CDC40: variants seen among roughly 807,000 people sequenced by gnomAD.
CDC40 encodes pre-mRNA-processing factor 17.
A neutral mutation model predicts 80.6 loss-of-function variants in CDC40; 27 were observed. The observed-to-expected ratio is 0.33, with a 90% CI of 0.25 to 0.46. The LOEUF (loss-of-function observed/expected upper bound fraction) is 0.46, where lower values mean the gene tolerates loss of function less well. Ranked by LOEUF, CDC40 falls within the 20% of genes least tolerant of loss-of-function variation. The pLI is 1.00. For missense variants in CDC40, 486 were observed against 694.1 expected, an observed-to-expected ratio of 0.70 and a Z score of 3.37; for synonymous variants, 221 against 232.6, an observed-to-expected ratio of 0.95 and a Z score of 0.45.
chr6:110,217,280 G>C (rs892336562), intron 9 of CDC40, among the ~76,000 whole-genome samples: 1 of 152,134 alleles, frequency 6.6e-6, no homozygotes, highest in Non-Finnish European at 1.5e-5. Flanking sequence ...TTGCAGCCTG[G>C]TGGACATTCT....
chr6:110,224,067 G>T (rs1376513042), intron 12 of CDC40, among the ~76,000 whole-genome samples: 1 of 151,986 alleles, frequency 6.6e-6, no homozygotes, highest in Non-Finnish European at 1.5e-5. Flanking sequence ...TCTTGACCTT[G>T]TGATCTACCC....
chr6:110,229,563 T>C (rs921762088), intron 14 of CDC40, among the ~76,000 whole-genome samples: 1 of 152,188 alleles, frequency 6.6e-6, no homozygotes, highest in Non-Finnish European at 1.5e-5. Flanking sequence ...TCAAAAGATA[T>C]TAAAGCCAAA....
intron 2 of CDC40, chr6:110,198,945 C>G (rs978846351): frequency 6.6e-6 from 1 of 152,100 alleles, no homozygotes; most frequent in Non-Finnish European, 1.5e-5. Flanking sequence ...GGACCAAGAA[C>G]AGCTGAGAAA....
Position 110,212,270 on chromosome 6 carries a change from A to G in CDC40, c.865A>G (p.Lys289Glu). The change falls in exon 7 of 15, where the codon AAG becomes GAG. Residue 289 changes from lysine to glutamate, a missense_variant and splice_region_variant. Around this residue, in one of 3 missense-constraint regions of CDC40, gnomAD observed 381 missense variants for 492.1 expected, o/e 0.77. Coordinates refer to ENST00000307731, the MANE Select transcript of CDC40 (RefSeq NM_015891.3). ...AATTCATGTGTGGTCTGGACACACA[A>G]AGGTAAGCAAGTTGGTTGTTTCTGT... Reference protein sequence around the residue: ...KQIHVWSGHTKGVSAVRLFPL... With the variant: ...KQIHVWSGHTEGVSAVRLFPL... 6.2e-7 allele frequency: 1 copy of G among 1,613,458 alleles called. No individual in the cohort carries two copies. The highest frequency in any genetic ancestry group is 8.5e-7 in the Non-Finnish European group (1 of 1,179,788).
chr6:110,189,391 A>G (rs546934742), intron 1 of CDC40, among the ~76,000 whole-genome samples: 1 of 152,358 alleles, frequency 6.6e-6, no homozygotes, highest in African/African-American at 2.4e-5. Context: ...TGCCTGGCAC[A>G]TAGTAGGCAC....
intron 2 of CDC40, among the ~76,000 whole-genome samples, chr6:110,194,322 A>C (rs1416788629): frequency 1.3e-5 from 2 of 152,222 alleles, no homozygotes; most frequent in Non-Finnish European, 2.9e-5. Context: ...GCTATATCTT[A>C]TGGTATCTTG....
In CDC40 at chr6:110,212,200, A is replaced by G. The variant is rs1243557960; in HGVS notation, c.795A>G (p.Leu265=). ...TACCTCAGGATGTTGGTGTTAATCT[A>G]CGGTCAACTATGCCACCTGAGAAGT... The part of the protein sequence containing the change: ...LHIPQDVGVN[L]RSTMPPEKCY... Residue 265 remains leucine (L), a synonymous_variant, in exon 7 of 15, where the codon CTA becomes CTG. Coordinates refer to ENST00000307731, the MANE Select transcript of CDC40 (RefSeq NM_015891.3). 5.0e-6 allele frequency: 8 copies of G among 1,613,640 alleles called. No individual in the cohort carries two copies. The highest frequency in any genetic ancestry group is 1.1e-5 in the South Asian group (1 of 91,060).
At chr6:110,208,733 A>G (rs1324887777) in intron 4 of CDC40, among the ~76,000 whole-genome samples, 1 of 152,176 alleles carries the variant, frequency 6.6e-6, no homozygotes, top group Non-Finnish European at 1.5e-5. Context: ...TTTTTTCCAG[A>G]AAGTCGTACA....
At chr6:110,193,852 A>G (rs1777384281) in intron 2 of CDC40, among the ~76,000 whole-genome samples, 1 of 152,238 alleles carries the variant, frequency 6.6e-6, no homozygotes, top group South Asian at 2.1e-4. Context: ...TGATTCTTAA[A>G]TATGAACTTA....
chr6:110,183,598 T>C (rs1381389961), intron 1 of CDC40, among the ~76,000 whole-genome samples: 1 of 152,208 alleles, frequency 6.6e-6, no homozygotes, highest in Non-Finnish European at 1.5e-5. Flanking sequence ...CACTTGTTTA[T>C]ATGAAGGGAA....
intron 4 of CDC40, among the ~76,000 whole-genome samples, chr6:110,208,534 C>A (rs1197131586): frequency 1.3e-5 from 2 of 152,154 alleles, no homozygotes; most frequent in Non-Finnish European, 2.9e-5. Flanking sequence ...AGACTGAAAT[C>A]ACTTGGAAGG....
chr6:110,217,718 T>C lies in CDC40; in HGVS notation c.1005T>C (p.Val335=), dbSNP rs149903713. Reference sequence around the variant, plus strand: ...CACCTTTAGGTCACAGTAAGGCTGTTAGGGATATCTGCTTCAATACTGCAG... The same window carrying C: ...CACCTTTAGGTCACAGTAAGGCTGTCAGGGATATCTGCTTCAATACTGCAG... ...LRTFIGHSKA[V]RDICFNTAGT... is the part of the protein sequence containing the mutation. Residue 335 remains valine, a synonymous_variant, in exon 10 of 15, where the codon GTT becomes GTC. Transcript: ENST00000307731. The C allele has an allele frequency of 4.9e-5, 78 of 1,585,524 alleles. No homozygotes were observed. In the African/African-American group the frequency reaches 8.6e-4, roughly 17 times the overall value.
At chr6:110,213,689 G>C (rs1401095091) in intron 8 of CDC40, among the ~76,000 whole-genome samples, 1 of 152,148 alleles carries the variant, frequency 6.6e-6, no homozygotes, top group Non-Finnish European at 1.5e-5. Flanking sequence ...TTATGAAATA[G>C]AGAGGACATA....
intron 1 of CDC40, among the ~76,000 whole-genome samples, chr6:110,185,485 G>A (rs966240400): frequency 1.3e-5 from 2 of 151,852 alleles, no homozygotes; most frequent in African/African-American, 2.4e-5. Context: ...CTCGTGATCC[G>A]CCCGCCTCGG....
At chr6:110,187,897 A>G (rs1185214074) in intron 1 of CDC40, among the ~76,000 whole-genome samples, 1 of 152,212 alleles carries the variant, frequency 6.6e-6, no homozygotes, top group Non-Finnish European at 1.5e-5. Context: ...TGGTAATTCC[A>G]ATTGCATACC....
chr6:110,229,603 G>A (rs1777909291), intron 14 of CDC40, among the ~76,000 whole-genome samples: 1 of 152,158 alleles, frequency 6.6e-6, no homozygotes, highest in Non-Finnish European at 1.5e-5. Context: ...AGAGCCTACT[G>A]TGATAGAATA....
Position 110,207,607 on chromosome 6 carries a change from T to C in CDC40, c.490+18T>C, listed in dbSNP as rs1285600681. On this transcript the variant is annotated intron_variant, in intron 4 of 14. Coordinates refer to ENST00000307731, the MANE Select transcript of CDC40 (RefSeq NM_015891.3). ...AAATCAAGGTAATTTATTTGAAACA[T>C]TTGATATCATATATACCTACACATC... is the stretch of plus-strand genomic sequence containing the variant. 2.4e-6 allele frequency: 3 copies of C among 1,263,822 alleles called. No individual in the cohort carries two copies. The highest frequency in any genetic ancestry group is 3.5e-6 in the Non-Finnish European group (3 of 861,910). The allele number at this position is 1,263,822 out of a possible 1,614,324, so 78.3% of individuals were successfully genotyped here.
Position 110,209,079 on chromosome 6 carries a change from C to A in CDC40, c.491-5C>A, listed in dbSNP as rs116160008. ...TTTTTTTTAATTTTTTTTTTGTTAA[C>A]GTAGGTTTAACTGTATTTGAAACTG... On this transcript the variant is annotated splice_polypyrimidine_tract_variant and splice_region_variant and intron_variant, in intron 4 of 14. Transcript: ENST00000307731. 12 of 1,450,318 alleles carry A rather than the reference C, an allele frequency of 8.3e-6. No individual in the cohort carries two copies. Among genetic ancestry groups the A allele is most frequent in the South Asian group, 2.7e-5 (2 of 74,028 alleles). 89.8% of individuals were successfully genotyped at this position (1,450,318 alleles called of 1,614,324 possible). A position where few individuals can be genotyped will look rare whatever the true frequency, so the allele number is the denominator to read the frequency against.
Position 110,209,241 on chromosome 6 carries a change from T to C in CDC40, c.630+18T>C. On this transcript the variant is annotated intron_variant, in intron 5 of 14. Coordinates refer to ENST00000307731, the MANE Select transcript of CDC40 (RefSeq NM_015891.3). Reference sequence around the variant, plus strand: ...CTTCAGAAGTAAGCTTTGATGTTTTTAATTGTCAATTCAGGTATACGCTGT... The same window carrying C: ...CTTCAGAAGTAAGCTTTGATGTTTTCAATTGTCAATTCAGGTATACGCTGT... 6.2e-7 allele frequency: 1 copy of C among 1,605,776 alleles called. No homozygotes were observed. The highest frequency in any genetic ancestry group is 8.5e-7 in the Non-Finnish European group (1 of 1,172,738).
Sources: gnomAD v4.1 joint callset for allele counts (sites outside exome capture counted in the v4.1 genomes callset) on GRCh38, gnomAD v4.1.1 for gene constraint, gnomAD v4.1.1 regional missense constraint, MANE v1.5 for transcripts, NCBI Gene and HGNC (gene_info 2026-07-23, HGNC 2026-07-21) for gene names.